The following PAX7 variants were observed in gnomAD, a reference collection of about 807,000 sequenced individuals.
PAX7 encodes the protein paired box 7.
A neutral mutation model predicts 50.7 loss-of-function variants in PAX7; 18 were observed. The observed-to-expected ratio is 0.36, with a 90% CI of 0.25 to 0.53. The LOEUF (loss-of-function observed/expected upper bound fraction) is 0.53. Ranked by LOEUF, PAX7 falls within the 20% of genes least tolerant of loss-of-function variation. The pLI is 0.93. For missense variants in PAX7, 644 were observed against 702.9 expected, an observed-to-expected ratio of 0.92 and a Z score of 0.95; for synonymous variants, 310 against 290.4, an observed-to-expected ratio of 1.07 and a Z score of -0.69.
At chr1:18,709,720 C>G (rs1253748619) in intron 7 of PAX7, among the ~76,000 whole-genome samples, 1 of 152,218 alleles carries the variant, frequency 6.6e-6, no homozygotes, top group Non-Finnish European at 1.5e-5. Flanking sequence ...GGAGCCTCTT[C>G]CAGGTGCCAG....
chr1:18,653,942 C>A (rs1323600231), intron 4 of PAX7, among the ~76,000 whole-genome samples: 2 of 152,118 alleles, frequency 1.3e-5, no homozygotes, highest in Non-Finnish European at 2.9e-5. Flanking sequence ...ACATGCATGT[C>A]CCCATTCTCG....
intron 8 of PAX7, among the ~76,000 whole-genome samples, chr1:18,742,162 T>C (rs1444890669): frequency 7.0e-6 from 1 of 141,908 alleles, no homozygotes; most frequent in South Asian, 2.3e-4. Flanking sequence ...TTTTTTTTTT[T>C]TTTTTTTTTT....
At chr1:18,725,478 G>A (rs1287117017) in intron 7 of PAX7, among the ~76,000 whole-genome samples, 1 of 152,112 alleles carries the variant, frequency 6.6e-6, no homozygotes, top group Non-Finnish European at 1.5e-5. Context: ...GACACCTGGA[G>A]CCGCTGACAA....
chr1:18,744,741 G>GATGGATGT, intron 8 of PAX7, 73 bp from the exon 9 acceptor site: 1 of 776,412 alleles, frequency 1.3e-6, no homozygotes, highest in Non-Finnish European at 2.3e-6. Flanking sequence ...TGGATGGATG[G>GATGGATGT]GTGTAGATAG....
At chr1:18,645,339 G>A (rs1214298725) in intron 4 of PAX7, among the ~76,000 whole-genome samples, 1 of 152,214 alleles carries the variant, frequency 6.6e-6, no homozygotes, top group Non-Finnish European at 1.5e-5. Flanking sequence ...CTCTTTGTCT[G>A]ACACCACGAA....
intron 4 of PAX7, among the ~76,000 whole-genome samples, chr1:18,660,615 C>T (rs1457029961): frequency 6.6e-6 from 1 of 152,194 alleles, no homozygotes; most frequent in East Asian, 1.9e-4. Context: ...GACCCCTGAC[C>T]CCTGCAACCT....
At chr1:18,652,606 A>T (rs944057380) in intron 4 of PAX7, among the ~76,000 whole-genome samples, 1 of 152,232 alleles carries the variant, frequency 6.6e-6, no homozygotes, top group Non-Finnish European at 1.5e-5. Flanking sequence ...TATGGAAAAC[A>T]TCTACTACTT....
chr1:18,678,065 G>C (rs975383424), intron 4 of PAX7, among the ~76,000 whole-genome samples: 4 of 134,958 alleles, frequency 3.0e-5, no homozygotes, highest in Non-Finnish European at 6.2e-5. Flanking sequence ...CTGGGTGACA[G>C]AGCGAGACTC....
intron 7 of PAX7, among the ~76,000 whole-genome samples, chr1:18,719,697 C>G (rs188995580): frequency 6.6e-6 from 1 of 152,226 alleles, no homozygotes; most frequent in South Asian, 2.1e-4. Context: ...CCTCTGCTGG[C>G]CCTGGAACTC....
Position 18,631,574 on chromosome 1 carries a change from A to G in PAX7, c.-30A>G. 3.1e-6 allele frequency: 5 copies of G among 1,599,246 alleles called. No homozygotes were observed. The highest frequency in any genetic ancestry group is 4.3e-6 in the Non-Finnish European group (5 of 1,170,914). ...AGCGGACGGGAAGCGATTTTTGCCG[A>G]CTTTGGATTCGTCCCCGGCGTGCGC... On this transcript the variant is annotated 5_prime_UTR_variant, in exon 1 of 9. Transcript: ENST00000420770.
At chr1:18,720,820 A>G (rs518459) in intron 7 of PAX7, among the ~76,000 whole-genome samples, 137,664 of 151,738 alleles carry the variant, frequency 0.91, 62,574 homozygotes, top group African/African-American at 0.96. Flanking sequence ...GGCATATACA[A>G]GGGTGGGGCC....
rs1268106557 is a variant in PAX7 at position 18,680,131 on chromosome 1, TG to T, written c.587-11617del. On this transcript the variant is annotated intron_variant, in intron 4 of 8. Transcript: ENST00000420770. ...GGATGAAGTTACTTTCCTAGGTTAG[TG>T]GGGGGCTGGGACAGTTGTATCAAGG... 3.3e-5 allele frequency among the ~76,000 whole-genome samples: 5 copies of T among 152,156 alleles called. No individual in the cohort carries two copies. The South Asian group carries it at 6.2e-4, about 19-fold the overall frequency.
chr1:18,646,727 T>C (rs1273790726), intron 4 of PAX7, among the ~76,000 whole-genome samples: 1 of 151,648 alleles, frequency 6.6e-6, no homozygotes, highest in Non-Finnish European at 1.5e-5. Context: ...TGGTGGCGCT[T>C]TACTATGGTG....
chr1:18,702,293 CG>C (rs1334861495), intron 6 of PAX7, among the ~76,000 whole-genome samples: 2 of 152,060 alleles, frequency 1.3e-5, no homozygotes, highest in Non-Finnish European at 2.9e-5. Context: ...GAGCCCAGAT[CG>C]CGCCACTGCA....
At position 18,632,389 on chromosome 1, in the gene PAX7, G is replaced by C. The variant is rs1407674908; in HGVS notation, c.85+701G>C. 1.3e-5 allele frequency among the ~76,000 whole-genome samples: 2 copies of C among 152,138 alleles called. No homozygotes were observed. The highest frequency in any genetic ancestry group is 4.8e-5 in the African/African-American group (2 of 41,446). Reference sequence around the variant, plus strand: ...ACGGCAATGTCCAAACGAGAAGAAAGAGCTGATTTTGTAAAGCGTCCTTCC... The same window carrying C: ...ACGGCAATGTCCAAACGAGAAGAAACAGCTGATTTTGTAAAGCGTCCTTCC... On this transcript the variant is annotated intron_variant, in intron 1 of 8. Coordinates refer to ENST00000420770, the MANE Select transcript of PAX7 (RefSeq NM_001135254.2). The surrounding 1 kb of genome is among the most constrained non-coding windows in gnomAD (Gnocchi z 6.3).
chr1:18,716,100 G>C lies in PAX7; in HGVS notation c.1155+12804G>C, dbSNP rs139921120. The stretch of plus-strand genomic sequence containing the variant: ...TGGCCCTTTCCCCGGCTGTGAACAC[G>C]CTTCTCCAACACCTTTTTCAGTGGG... On this transcript the variant is annotated intron_variant, in intron 7 of 8. Coordinates refer to ENST00000420770, the MANE Select transcript of PAX7 (RefSeq NM_001135254.2). 1.4e-3 allele frequency among the ~76,000 whole-genome samples: 212 copies of C among 152,016 alleles called. 2 individuals carry two copies. Among genetic ancestry groups the C allele is most frequent in the African/African-American group, 4.9e-3 (203 of 41,468 alleles).
At chr1:18,642,560 A>G in intron 4 of PAX7, among the ~76,000 whole-genome samples, 1 of 152,150 alleles carries the variant, frequency 6.6e-6, no homozygotes, top group East Asian at 1.9e-4. Context: ...TAATTAGCAA[A>G]CAGGATGAGG....
chr1:18,677,410 C>T (rs2088839919), intron 4 of PAX7, among the ~76,000 whole-genome samples: 2 of 152,178 alleles, frequency 1.3e-5, no homozygotes, highest in Non-Finnish European at 2.9e-5. Context: ...TTCATGGTGG[C>T]ATGATCCTGA....
Position 18,634,595 on chromosome 1 carries a change from G to C in PAX7, c.321+57G>C, listed in dbSNP as rs971835076. 2 of 1,470,652 alleles carry C rather than the reference G, an allele frequency of 1.4e-6. No homozygotes were observed. The highest frequency in any genetic ancestry group is 1.9e-6 in the Non-Finnish European group (2 of 1,059,376). The allele number at this position is 1,470,652 out of a possible 1,614,324, so 91.1% of individuals were successfully genotyped here. On this transcript the variant is annotated intron_variant, in intron 2 of 8. Transcript: ENST00000420770. The surrounding 1 kb of genome is among the most constrained non-coding windows in gnomAD (Gnocchi z 4.0). ...GGCTTCCTATAGTCGGGGGCTCCTG[G>C]TTGTGGCCCCTCTTACTACCTCGTG...
Sources: gnomAD v4.1 joint callset for allele counts (sites outside exome capture counted in the v4.1 genomes callset) on GRCh38, gnomAD v4.1.1 for gene constraint, Gnocchi (gnomAD v3.1) non-coding constraint, MANE v1.5 for transcripts, NCBI Gene and HGNC (gene_info 2026-07-23, HGNC 2026-07-21) for gene names.